SEPTIN14: variants seen among roughly 807,000 people sequenced by gnomAD.
The protein encoded by SEPTIN14 is septin 14.
SEPTIN14 carries 40 observed loss-of-function variants against 53.6 expected under a neutral mutation model. The ratio of observed to expected loss-of-function variants is 0.75; its 90% CI spans 0.58 to 0.97. The LOEUF (loss-of-function observed/expected upper bound fraction) is 0.97, where lower values mean the gene tolerates loss of function less well. Among genes scored for constraint, SEPTIN14 ranks in the 50% least tolerant of loss-of-function variants. The pLI is 0.00. For missense variants in SEPTIN14, 471 were observed against 508.2 expected (o/e 0.93, Z 0.70); for synonymous variants, 138 against 166.8 (o/e 0.83, Z 1.33).
intron 7 of SEPTIN14, among the ~76,000 whole-genome samples, chr7:55,816,059 G>C (rs1415187731): frequency 1.3e-5 from 2 of 152,164 alleles, no homozygotes; most frequent in African/African-American, 4.8e-5. Flanking sequence ...AACATGGATG[G>C]AACTGAGGAC....
chr7:55,809,309 C>CTTTTTTTTTTTT (rs780613537), intron 7 of SEPTIN14, among the ~76,000 whole-genome samples: 1 of 88,648 alleles, frequency 1.1e-5, no homozygotes, highest in East Asian at 3.5e-4. Context: ...ACTATGCTTA[C>CTTTTTTTTTTTT]TTTTTTTTTT....
At chr7:55,857,458 G>GGGAGGGGAGGGGAGA (rs1381355613) in intron 2 of SEPTIN14, among the ~76,000 whole-genome samples, 9 of 118,300 alleles carry the variant, frequency 7.6e-5, no homozygotes, top group African/African-American at 9.6e-5. Flanking sequence ...GGAAGGGAAG[G>GGGAGGGGAGGGGAGA]GGAGGGGAGG....
chr7:55,822,759 A>C (rs1163928731), intron 6 of SEPTIN14, among the ~76,000 whole-genome samples: 1 of 151,776 alleles, frequency 6.6e-6, no homozygotes, highest in African/African-American at 2.4e-5. Flanking sequence ...ATTGGATCAT[A>C]GGCCTAAATG....
chr7:55,829,004 ATTAT>A (rs147029305), intron 6 of SEPTIN14, among the ~76,000 whole-genome samples: 3,953 of 151,794 alleles, frequency 0.026, 260 homozygotes, highest in East Asian at 0.16. Context: ...TGAACTCTTG[ATTAT>A]TTATTTAAAT....
chr7:55,810,472 G>A (rs1788680688), intron 7 of SEPTIN14, among the ~76,000 whole-genome samples: 1 of 114,736 alleles, frequency 8.7e-6, no homozygotes, highest in African/African-American at 3.8e-5. Context: ...TGTTTTTGAA[G>A]TTCTTTTTTT....
intron 6 of SEPTIN14, among the ~76,000 whole-genome samples, chr7:55,830,347 A>ATTTTTTTTT (rs1283196897): frequency 4.0e-5 from 2 of 50,408 alleles, no homozygotes; most frequent in African/African-American, 3.1e-4. Flanking sequence ...ATATATATAT[A>ATTTTTTTTT]TATTTTTTTT....
chr7:55,796,528 CT>C (rs1349332199), intron 9 of SEPTIN14, among the ~76,000 whole-genome samples: 1 of 151,594 alleles, frequency 6.6e-6, no homozygotes, highest in African/African-American at 2.4e-5. Flanking sequence ...CTCCCAAAGA[CT>C]TTTTTTTAAT....
chr7:55,818,205 C>T (rs1264944150), intron 7 of SEPTIN14, among the ~76,000 whole-genome samples: 1 of 152,074 alleles, frequency 6.6e-6, no homozygotes, highest in Non-Finnish European at 1.5e-5. Flanking sequence ...GACACGGTGG[C>T]TCATGCCTGT....
chr7:55,817,580 CTGCCT>C, intron 7 of SEPTIN14, among the ~76,000 whole-genome samples: 1 of 151,844 alleles, frequency 6.6e-6, no homozygotes, highest in African/African-American at 2.4e-5. Context: ...CATCATTCTC[CTGCCT>C]CAGCCTCCCA....
chr7:55,812,647 T>C (rs1053983566), intron 7 of SEPTIN14, among the ~76,000 whole-genome samples: 2 of 152,038 alleles, frequency 1.3e-5, no homozygotes, highest in African/African-American at 2.4e-5. Context: ...AAACACCAAA[T>C]TGAACAAATA....
At chr7:55,822,185 A>C (rs765264802) in intron 6 of SEPTIN14, among the ~76,000 whole-genome samples, 5 of 152,174 alleles carry the variant, frequency 3.3e-5, no homozygotes, top group Non-Finnish European at 7.3e-5. Flanking sequence ...CAAACCATAT[A>C]ACCACCATAC....
At chr7:55,840,355 G>A (rs1200147667) in intron 5 of SEPTIN14, among the ~76,000 whole-genome samples, 1 of 151,824 alleles carries the variant, frequency 6.6e-6, no homozygotes, top group Non-Finnish European at 1.5e-5. Flanking sequence ...CGGGTGTGGT[G>A]GTGGGCGCCT....
chr7:55,846,064 A>AATATATATATATATATATATATAT (rs1562718590), intron 3 of SEPTIN14, among the ~76,000 whole-genome samples: 1 of 7,382 alleles, frequency 1.4e-4, no homozygotes, highest in Non-Finnish European at 4.2e-4. Flanking sequence ...AAAAAAAAAA[A>AATATATATATATATATATATATAT]GTATATATAT....
rs1296222031 is a variant in SEPTIN14, at chr7:55,804,963, G to A, written c.1119+295C>T. On this transcript the variant is annotated intron_variant, in intron 9 of 9. Transcript: ENST00000388975. ...TACAAGACTCTTCTCAGAGTAAATA[G>A]CTTGGGTTTGTCACAAATTAAACTT... Among the ~76,000 whole-genome samples, 5 of 152,144 alleles carry A rather than the reference G, an allele frequency of 3.3e-5. No individual in the cohort carries two copies. The East Asian group carries it at 9.6e-4, about 29-fold the overall frequency.
intron 9 of SEPTIN14, among the ~76,000 whole-genome samples, chr7:55,803,104 A>G (rs1338518759): frequency 6.6e-6 from 1 of 151,962 alleles, no homozygotes. Flanking sequence ...CATCTGGCTA[A>G]TTTTTGTATT....
chr7:55,856,144 C>G (rs181821780), intron 2 of SEPTIN14, among the ~76,000 whole-genome samples: 1 of 151,672 alleles, frequency 6.6e-6, no homozygotes, highest in East Asian at 1.9e-4. Flanking sequence ...CTGCCCTCAC[C>G]CCCTCCCTCC....
Position 55,793,679 on chromosome 7 carries a change from A to C in SEPTIN14, c.*2234T>G, listed in dbSNP as rs537951682. 6.6e-6 allele frequency: 1 copy of C among 152,334 alleles called. No individual in the cohort carries two copies. Among genetic ancestry groups the C allele is most frequent in the African/African-American group, 2.4e-5 (1 of 41,598 alleles). The allele number at this position is 152,334 out of a possible 1,614,324, so 9.4% of individuals were successfully genotyped here. ...TCAATAACCTAAAAAGAGTAGACCT[A>C]TATAGCAGTAGAATTTTGGTATGTG... On this transcript the variant is annotated 3_prime_UTR_variant, in exon 10 of 10. Coordinates refer to ENST00000388975, the MANE Select transcript of SEPTIN14 (RefSeq NM_207366.3).
intron 2 of SEPTIN14, among the ~76,000 whole-genome samples, chr7:55,858,661 G>A (rs769283273): frequency 1.8e-4 from 28 of 152,118 alleles, no homozygotes; most frequent in Non-Finnish European, 3.5e-4. Flanking sequence ...AAAATTAGTC[G>A]GGCGTGGTGG....
chr7:55,842,916 AAAG>A, intron 5 of SEPTIN14, 23 bp downstream of exon 5: 5 of 1,441,486 alleles, frequency 3.5e-6, no homozygotes, highest in Non-Finnish European at 4.6e-6. Flanking sequence ...TCAAAAAAAA[AAAG>A]ATGGTAGATT....
Sources: gnomAD v4.1 joint callset for allele counts (sites outside exome capture counted in the v4.1 genomes callset) on GRCh38, gnomAD v4.1.1 for gene constraint, MANE v1.5 for transcripts, NCBI Gene and HGNC (gene_info 2026-07-23, HGNC 2026-07-21) for gene names.